Variants in DISP1 observed in about 807,000 individuals in gnomAD.
DISP1 encodes the protein dispatched RND transporter family member 1.
A neutral mutation model predicts 37.3 loss-of-function variants in DISP1; 30 were observed. The ratio of observed to expected loss-of-function variants is 0.80; its 90% CI spans 0.60 to 1.09. The LOEUF is 1.09. DISP1 is among the 50% of genes least tolerant of loss of function. DISP1 has a pLI of 0.00. For missense variants in DISP1, 1,598 were observed against 1,879.5 expected, an observed-to-expected ratio of 0.85 and a Z score of 2.77; for synonymous variants, 634 against 690.2, an observed-to-expected ratio of 0.92 and a Z score of 1.28.
chr1:222,833,296 G>A (rs1320555148), intron 1 of DISP1, among the ~76,000 whole-genome samples: 1 of 152,164 alleles, frequency 6.6e-6, no homozygotes, highest in African/African-American at 2.4e-5. Flanking sequence ...TATTAGTGTA[G>A]CAAAAGTGTG....
intron 1 of DISP1, among the ~76,000 whole-genome samples, chr1:222,925,388 A>C (rs1673023298): frequency 6.6e-6 from 1 of 152,178 alleles, no homozygotes; most frequent in Non-Finnish European, 1.5e-5. Flanking sequence ...CTGCTTTAAT[A>C]AAGTGAACCA....
chr1:222,977,412 G>T (rs371229134), intron 3 of DISP1, among the ~76,000 whole-genome samples: 1 of 120,138 alleles, frequency 8.3e-6, no homozygotes, highest in African/African-American at 3.2e-5. Context: ...TAGTTGTCTT[G>T]TCTTGGAAAG....
intron 1 of DISP1, among the ~76,000 whole-genome samples, chr1:222,913,897 T>C (rs1241671037): frequency 6.6e-6 from 1 of 151,814 alleles, no homozygotes; most frequent in African/African-American, 2.4e-5. Flanking sequence ...AAATTTGTAC[T>C]TAAGTGTGGG....
chr1:222,895,950 G>GT (rs1330627617), intron 1 of DISP1, among the ~76,000 whole-genome samples: 1 of 152,142 alleles, frequency 6.6e-6, no homozygotes, highest in Non-Finnish European at 1.5e-5. Context: ...TTTTTAAAGT[G>GT]TTGATAAATT....
intron 1 of DISP1, among the ~76,000 whole-genome samples, chr1:222,856,658 A>G (rs1459853856): frequency 1.3e-5 from 2 of 151,954 alleles, no homozygotes; most frequent in Non-Finnish European, 2.9e-5. Context: ...CATTTGGGCA[A>G]GAATATTGAG....
At chr1:222,999,927 G>A (rs192912462) in intron 8 of DISP1, among the ~76,000 whole-genome samples, 2 of 152,268 alleles carry the variant, frequency 1.3e-5, no homozygotes, top group Admixed American at 6.5e-5. Context: ...TGGCTCCCCA[G>A]TGACTTACTA....
At chr1:222,908,181 A>G (rs532102842) in intron 1 of DISP1, among the ~76,000 whole-genome samples, 2 of 152,288 alleles carry the variant, frequency 1.3e-5, no homozygotes, top group East Asian at 3.9e-4. Context: ...AAACTGGCTC[A>G]AATCAGAACA....
At chr1:222,933,738 G>A (rs1213329507) in intron 2 of DISP1, among the ~76,000 whole-genome samples, 1 of 151,942 alleles carries the variant, frequency 6.6e-6, no homozygotes, top group Non-Finnish European at 1.5e-5. Context: ...TCTCATGAAG[G>A]AGAGTTTAAT....
intron 1 of DISP1, among the ~76,000 whole-genome samples, chr1:222,898,321 G>A (rs1178670143): frequency 6.6e-6 from 1 of 152,076 alleles, no homozygotes; most frequent in East Asian, 1.9e-4. Context: ...GATTGTTGGG[G>A]AGGGAACACA....
chr1:222,866,212 C>G (rs1039174613), intron 1 of DISP1, among the ~76,000 whole-genome samples: 2 of 152,140 alleles, frequency 1.3e-5, no homozygotes, highest in African/African-American at 2.4e-5. Context: ...CTGTCACTCC[C>G]TTTATCCTCA....
At chr1:222,825,614 C>T (rs575621598) in intron 1 of DISP1, among the ~76,000 whole-genome samples, 249 of 151,130 alleles carry the variant, frequency 1.6e-3, no homozygotes, top group African/African-American at 5.9e-3. Flanking sequence ...GATTCTCGTG[C>T]CTCAGCCTCC....
intron 3 of DISP1, among the ~76,000 whole-genome samples, chr1:222,969,688 G>A (rs570282799): frequency 6.6e-6 from 1 of 151,894 alleles, no homozygotes; most frequent in African/African-American, 2.4e-5. Flanking sequence ...AATACTTTAT[G>A]CATCTAGTGT....
rs1415830630 is a variant in DISP1 at position 222,989,279 on chromosome 1, AT to A, written c.540-1345del. 55 of 733,898 alleles carry A rather than the reference AT, an allele frequency of 7.5e-5. No individual in the cohort carries two copies. The African/African-American group carries it at 1.0e-3, about 13-fold the overall frequency. 45.5% of individuals were successfully genotyped at this position (733,898 alleles called of 1,614,324 possible). ...CAGAAATAGCCATTGCAGCAGCCAA[AT>A]GAGCTAACATTACTGAGAATTTGAG... On this transcript the variant is annotated intron_variant, in intron 4 of 8. Coordinates refer to ENST00000675850, the MANE Select transcript of DISP1 (RefSeq NM_001377229.1).
intron 3 of DISP1, among the ~76,000 whole-genome samples, chr1:222,952,240 T>A (rs141631247): frequency 1.3e-3 from 201 of 152,306 alleles, no homozygotes; most frequent in South Asian, 2.3e-3. Flanking sequence ...GGTTATTTGG[T>A]TACACTGCTC....
intron 3 of DISP1, among the ~76,000 whole-genome samples, chr1:222,967,142 T>TTA (rs1283359030): frequency 6.6e-6 from 1 of 151,960 alleles, no homozygotes; most frequent in South Asian, 2.1e-4. Flanking sequence ...TATATCTACA[T>TTA]TATATATATA....
intron 1 of DISP1, among the ~76,000 whole-genome samples, chr1:222,883,355 C>T (rs921532582): frequency 2.0e-5 from 3 of 152,110 alleles, no homozygotes; most frequent in Non-Finnish European, 4.4e-5. Flanking sequence ...CACGGTGGCT[C>T]ACATCTGTAA....
At chr1:222,915,078 T>C (rs1159208558) in intron 1 of DISP1, among the ~76,000 whole-genome samples, 1 of 152,208 alleles carries the variant, frequency 6.6e-6, no homozygotes, top group East Asian at 1.9e-4. Context: ...CAGCTGTGGT[T>C]GTCCTGGACA....
intron 1 of DISP1, among the ~76,000 whole-genome samples, chr1:222,908,783 A>G (rs771328159): frequency 3.3e-5 from 5 of 152,166 alleles, no homozygotes; most frequent in Admixed American, 6.6e-5. Context: ...TAAAATAAGC[A>G]GAAGCCTTTT....
intron 3 of DISP1, among the ~76,000 whole-genome samples, chr1:222,960,081 A>T (rs1675940202): frequency 6.6e-6 from 1 of 152,222 alleles, no homozygotes; most frequent in African/African-American, 2.4e-5. Flanking sequence ...ATAGAAAGTT[A>T]ACAAGGATAT....
Sources: gnomAD v4.1 joint callset for allele counts (sites outside exome capture counted in the v4.1 genomes callset) on GRCh38, gnomAD v4.1.1 for gene constraint, MANE v1.5 for transcripts, NCBI Gene and HGNC (gene_info 2026-07-23, HGNC 2026-07-21) for gene names.